Variants in HTR1F observed in about 807,000 individuals in gnomAD.
The protein encoded by HTR1F is 5-hydroxytryptamine (serotonin) receptor 1F, G protein-coupled.
Under a neutral mutation model 24.0 loss-of-function variants are expected in HTR1F, and 17 were observed. The observed-to-expected ratio is 0.71, with a 90% CI of 0.48 to 1.06. HTR1F has a LOEUF of 1.06. Ranked by LOEUF, HTR1F falls within the 50% of genes least tolerant of loss-of-function variation. The pLI, the probability that HTR1F is intolerant of heterozygous loss-of-function variation, is 0.00. For missense variants in HTR1F, 391 were observed against 427.8 expected, an observed-to-expected ratio of 0.91 and a Z score of 0.76; for synonymous variants, 186 against 156.8, an observed-to-expected ratio of 1.19 and a Z score of -1.39.
intron 2 of HTR1F, among the ~76,000 whole-genome samples, chr3:87,937,928 G>GAA (rs57450022): frequency 5.2e-5 from 6 of 114,346 alleles, no homozygotes; most frequent in African/African-American, 1.8e-4. Flanking sequence ...CATCTCAAAA[G>GAA]AAAAAAAAAA....
At chr3:87,959,318 C>A (rs1293678593) in intron 2 of HTR1F, among the ~76,000 whole-genome samples, 9 of 151,748 alleles carry the variant, frequency 5.9e-5, no homozygotes, top group African/African-American at 2.2e-4. Context: ...AATTAGTACA[C>A]CATAAATTTT....
intron 2 of HTR1F, among the ~76,000 whole-genome samples, chr3:87,981,669 A>C (rs1288629847): frequency 1.3e-5 from 2 of 152,208 alleles, no homozygotes; most frequent in African/African-American, 2.4e-5. Context: ...AGGTTTCAGC[A>C]ACAGTCAAAC....
At chr3:87,842,046 G>C (rs13083490) in intron 2 of HTR1F, among the ~76,000 whole-genome samples, 1 of 151,442 alleles carries the variant, frequency 6.6e-6, no homozygotes, top group Non-Finnish European at 1.5e-5. Flanking sequence ...AAGTTGATTA[G>C]ATTGGAAAAG....
chr3:87,883,496 T>A (rs1417282597), intron 2 of HTR1F, among the ~76,000 whole-genome samples: 1 of 152,148 alleles, frequency 6.6e-6, no homozygotes, highest in Non-Finnish European at 1.5e-5. Flanking sequence ...AGAAGAAGGC[T>A]TCAGAAGGTC....
chr3:87,910,108 T>C (rs1201985921), intron 2 of HTR1F: 2 of 152,020 alleles, frequency 1.3e-5, no homozygotes, highest in African/African-American at 4.8e-5. Flanking sequence ...TTATTCTTCA[T>C]ATACATATTG....
chr3:87,932,827 G>A (rs2107412779), intron 2 of HTR1F, among the ~76,000 whole-genome samples: 1 of 151,944 alleles, frequency 6.6e-6, no homozygotes, highest in Non-Finnish European at 1.5e-5. Context: ...AATAGAAAAA[G>A]AGGGAATCCT....
chr3:87,839,101 T>C (rs1031023772), intron 2 of HTR1F, among the ~76,000 whole-genome samples: 1 of 151,846 alleles, frequency 6.6e-6, no homozygotes, highest in African/African-American at 2.4e-5. Flanking sequence ...CTTTGATTGC[T>C]TGTGCATTTG....
intron 2 of HTR1F, among the ~76,000 whole-genome samples, chr3:87,934,566 A>G (rs1051659131): frequency 7.9e-5 from 12 of 152,202 alleles, no homozygotes; most frequent in Non-Finnish European, 1.6e-4. Context: ...ATTTAGGGTC[A>G]TGCAGAAACT....
intron 2 of HTR1F, among the ~76,000 whole-genome samples, chr3:87,963,248 A>C (rs1705099079): frequency 6.6e-6 from 1 of 152,086 alleles, no homozygotes; most frequent in Non-Finnish European, 1.5e-5. Context: ...TGTACAAGCC[A>C]AATCTATCCT....
At chr3:87,847,068 T>C (rs1704961654) in intron 2 of HTR1F, among the ~76,000 whole-genome samples, 1 of 151,400 alleles carries the variant, frequency 6.6e-6, no homozygotes, top group Non-Finnish European at 1.5e-5. Context: ...ATGGGGAAAA[T>C]AAAAAATTCA....
intron 2 of HTR1F, among the ~76,000 whole-genome samples, chr3:87,835,825 G>T (rs1442331004): frequency 6.6e-6 from 1 of 152,010 alleles, no homozygotes; most frequent in African/African-American, 2.4e-5. Context: ...TGTGAATAAG[G>T]CTTTCCCTGG....
intron 1 of HTR1F, among the ~76,000 whole-genome samples, 105 bp from the exon 2 acceptor site, chr3:87,821,903 G>A (rs1029753373): frequency 7.9e-5 from 12 of 152,196 alleles, no homozygotes; most frequent in Non-Finnish European, 1.6e-4. Context: ...GAGGGGGAAA[G>A]AAAGGTAACA....
chr3:87,921,877 G>T (rs1284312141), intron 2 of HTR1F, among the ~76,000 whole-genome samples: 1 of 151,780 alleles, frequency 6.6e-6, no homozygotes, highest in East Asian at 1.9e-4. Flanking sequence ...TATCCATGTT[G>T]CCAACAGTGA....
chr3:87,917,708 G>A (rs1227238366), intron 2 of HTR1F, among the ~76,000 whole-genome samples: 11 of 150,580 alleles, frequency 7.3e-5, no homozygotes, highest in Non-Finnish European at 1.3e-4. Flanking sequence ...CAGAGAGATT[G>A]AAATGGTAAT....
intron 2 of HTR1F, among the ~76,000 whole-genome samples, chr3:87,827,435 A>G (rs1160694722): frequency 6.6e-6 from 1 of 152,136 alleles, no homozygotes; most frequent in Non-Finnish European, 1.5e-5. Context: ...ACCATTTTGT[A>G]TCCTGTGTCA....
chr3:87,882,991 GCCT>G, intron 2 of HTR1F, among the ~76,000 whole-genome samples: 1 of 152,316 alleles, frequency 6.6e-6, no homozygotes, highest in South Asian at 2.1e-4. Flanking sequence ...CGGACAGACT[GCCT>G]CCTCAAGTGG....
chr3:87,804,670 T>A (rs1333057830), intron 1 of HTR1F, among the ~76,000 whole-genome samples: 5 of 152,136 alleles, frequency 3.3e-5, no homozygotes, highest in African/African-American at 1.2e-4. Context: ...TATAGATGTT[T>A]ATTCTTCCAA....
At chr3:87,960,204 C>G (rs1218390311) in intron 2 of HTR1F, among the ~76,000 whole-genome samples, 2 of 150,644 alleles carry the variant, frequency 1.3e-5, no homozygotes, top group African/African-American at 5.0e-5. Flanking sequence ...CCAGTGGCAG[C>G]CAGCAAATTG....
At chr3:87,970,319 G>A (rs537524817) in intron 2 of HTR1F, among the ~76,000 whole-genome samples, 2 of 152,274 alleles carry the variant, frequency 1.3e-5, no homozygotes, top group Admixed American at 1.3e-4. Context: ...ACACATTGAT[G>A]AGTTTCATTC....
Sources: allele counts gnomAD v4.1 joint callset (sites outside exome capture counted in the v4.1 genomes callset), GRCh38; gene constraint gnomAD v4.1.1; transcripts MANE v1.5; gene names NCBI Gene and HGNC (gene_info 2026-07-23, HGNC 2026-07-21).